The following DRC3 variants were observed in gnomAD, a reference collection of about 807,000 sequenced individuals.
The protein encoded by DRC3 is dynein regulatory complex subunit 3.
In DRC3, 45 loss-of-function variants were observed where a neutral mutation model predicts 57.6. That is an observed-to-expected ratio of 0.78 (90% CI 0.62 to 1.00). DRC3 has a LOEUF of 1.00. Among genes scored for constraint, DRC3 ranks in the 50% least tolerant of loss-of-function variants. The probability of loss-of-function intolerance (pLI) is 0.00; values close to 1 mark genes in which losing one functional copy is unlikely to be tolerated. For synonymous variants in DRC3, 257 were observed against 272.3 expected (o/e 0.94, Z 0.55); for missense variants, 655 against 675.2 (o/e 0.97, Z 0.33).
At chr17:17,993,604 C>T (rs148361874) in intron 6 of DRC3, 1 of 152,846 alleles carries the variant, frequency 6.5e-6, no homozygotes, top group African/African-American at 2.4e-5. Context: ...ATATTAACAG[C>T]TGAGCTCCAG....
At chr17:17,997,777 G>A (rs982678542) in intron 9 of DRC3, 143 bp downstream of exon 9, 2 of 802,850 alleles carry the variant, frequency 2.5e-6, no homozygotes, top group African/African-American at 3.6e-5. Context: ...ATTTGCCAGA[G>A]ATCATACAGC....
At chr17:17,991,774 T>A (rs2145319458) in intron 5 of DRC3, among the ~76,000 whole-genome samples, 1 of 151,912 alleles carries the variant, frequency 6.6e-6, no homozygotes, top group Non-Finnish European at 1.5e-5. Flanking sequence ...ATCCAGGGAA[T>A]CCAAGGTTAG....
At chr17:18,003,343 G>A (rs181173812) in intron 9 of DRC3, among the ~76,000 whole-genome samples, 10 of 151,548 alleles carry the variant, frequency 6.6e-5, no homozygotes, top group Non-Finnish European at 1.2e-4. Context: ...AAAATTAGCC[G>A]GTCATAATGG....
chr17:17,974,863 A>C (rs549456248), intron 2 of DRC3, among the ~76,000 whole-genome samples: 1 of 152,328 alleles, frequency 6.6e-6, no homozygotes, highest in Admixed American at 6.5e-5. Flanking sequence ...CGTCTGTTTT[A>C]TTCACAGCAT....
intron 9 of DRC3, among the ~76,000 whole-genome samples, chr17:18,000,784 C>T (rs2043696845): frequency 6.6e-6 from 1 of 152,126 alleles, no homozygotes. Context: ...ATGAGCAACA[C>T]GTTTTACATG....
At position 17,983,895 on chromosome 17, in the gene DRC3, CATT is replaced by C. The variant is rs764871308; in HGVS notation, c.229_231del (p.Ile77del). ...GGAAGCTGCAGCTGGACAATAACAT[CATT>C]GAGAAGATCGAGGGCCTGGAGAACC... On this transcript the variant is annotated inframe_deletion, in exon 4 of 14. Coordinates refer to ENST00000399187, the MANE Select transcript of DRC3 (RefSeq NM_031294.4). 3 of 1,613,498 alleles carry C rather than the reference CATT, an allele frequency of 1.9e-6. No homozygotes were observed. The highest frequency in any genetic ancestry group is 2.7e-5 in the African/African-American group (2 of 74,916).
intron 8 of DRC3, 107 bp from the exon 9 acceptor site, chr17:17,997,353 C>A: frequency 2.0e-6 from 2 of 1,004,392 alleles, no homozygotes; most frequent in Non-Finnish European, 2.9e-6. Context: ...GTCTCACACA[C>A]TGTTGAGCGC....
At chr17:17,990,019 T>A (rs1165302854) in intron 5 of DRC3, among the ~76,000 whole-genome samples, 3 of 152,240 alleles carry the variant, frequency 2.0e-5, no homozygotes, top group African/African-American at 7.2e-5. Context: ...TCCTTCTGCC[T>A]CTGGGCTCTG....
intron 12 of DRC3, chr17:18,007,460 G>A (rs753233735): frequency 6.4e-7 from 1 of 1,551,390 alleles, no homozygotes; most frequent in South Asian, 1.2e-5. Context: ...AGCAGTTACA[G>A]GTAGAGGTTG....
chr17:17,985,730 C>T (rs1322562893), intron 4 of DRC3, among the ~76,000 whole-genome samples: 1 of 152,146 alleles, frequency 6.6e-6, no homozygotes, highest in Admixed American at 6.5e-5. Context: ...CAGGGGTTTT[C>T]CTCAGCCCCC....
intron 9 of DRC3, among the ~76,000 whole-genome samples, chr17:18,003,484 T>TA (rs71155309): frequency 0.023 from 703 of 30,142 alleles, 21 homozygotes; most frequent in Non-Finnish European, 0.027. Flanking sequence ...ACTACGTCTT[T>TA]AAAAAAAAAA....
chr17:18,000,261 T>G (rs2043663675), intron 9 of DRC3, among the ~76,000 whole-genome samples: 1 of 149,742 alleles, frequency 6.7e-6, no homozygotes, highest in African/African-American at 2.5e-5. Flanking sequence ...TGTGTGTGTG[T>G]GTGTGTGCAT....
chr17:17,991,481 A>G (rs896574089), intron 5 of DRC3, among the ~76,000 whole-genome samples: 1 of 150,712 alleles, frequency 6.6e-6, no homozygotes, highest in African/African-American at 2.4e-5. Flanking sequence ...TATTTTTAGT[A>G]GAGACGGGGT....
intron 11 of DRC3, 158 bp downstream of exon 11, chr17:18,006,411 A>G: frequency 1.6e-6 from 1 of 621,270 alleles, no homozygotes; most frequent in Non-Finnish European, 2.9e-6. Flanking sequence ...GGATGCCCAG[A>G]GGGACAACAT....
At chr17:17,999,546 A>T (rs183163005) in intron 9 of DRC3, among the ~76,000 whole-genome samples, 28 of 152,192 alleles carry the variant, frequency 1.8e-4, no homozygotes, top group African/African-American at 6.0e-4. Flanking sequence ...ACTCATCCCC[A>T]TTAGGCCTCA....
chr17:17,992,639 C>T (rs1309473420), intron 5 of DRC3, 126 bp from the exon 6 acceptor site: 3 of 1,029,774 alleles, frequency 2.9e-6, no homozygotes, highest in South Asian at 1.6e-5. Context: ...TGCCTGTCAC[C>T]CCACCCCAGT....
intron 5 of DRC3, among the ~76,000 whole-genome samples, chr17:17,992,426 A>G (rs1474845553): frequency 6.6e-6 from 1 of 152,244 alleles, no homozygotes; most frequent in Non-Finnish European, 1.5e-5. Flanking sequence ...TGGTCTTTAT[A>G]ACACCTGTAA....
intron 11 of DRC3, chr17:18,006,461 A>T (rs7219324): frequency 4.9e-5 from 29 of 589,458 alleles, no homozygotes; most frequent in South Asian, 4.5e-4. Flanking sequence ...GATTGTTCTC[A>T]TATGAGTGAT....
chr17:18,003,559 A>G (rs951170875), intron 9 of DRC3, among the ~76,000 whole-genome samples: 10 of 140,598 alleles, frequency 7.1e-5, no homozygotes. Flanking sequence ...CACCTTTCCC[A>G]TGGGAGATTT....
Sources: gnomAD v4.1 joint callset for allele counts (sites outside exome capture counted in the v4.1 genomes callset) on GRCh38, gnomAD v4.1.1 for gene constraint, MANE v1.5 for transcripts, NCBI Gene and HGNC (gene_info 2026-07-23, HGNC 2026-07-21) for gene names.